The following AEBP2 variants were observed in gnomAD, a reference collection of about 807,000 sequenced individuals.
AEBP2 encodes the protein zinc finger protein AEBP2.
AEBP2 carries 10 observed loss-of-function variants against 50.8 expected under a neutral mutation model. The ratio of observed to expected loss-of-function variants is 0.20; its 90% confidence interval spans 0.12 to 0.33. The LOEUF is 0.33. Ranked by LOEUF, AEBP2 falls within the 10% of genes least tolerant of loss-of-function variation. The probability of loss-of-function intolerance (pLI) is 1.00; values close to 1 mark genes in which losing one functional copy is unlikely to be tolerated. For missense variants in AEBP2, 570 were observed against 688.0 expected (o/e 0.83, Z 1.92); for synonymous variants, 296 against 261.3 (o/e 1.13, Z -1.28).
At chr12:19,498,888 A>G (rs1286477113) in intron 4 of AEBP2, among the ~76,000 whole-genome samples, 3 of 152,154 alleles carry the variant, frequency 2.0e-5, no homozygotes, top group Admixed American at 6.5e-5. Context: ...GAACATGCCT[A>G]TAGTCCTAGC....
chr12:19,469,135 A>T lies in AEBP2; in HGVS notation c.880-4113A>T, dbSNP rs142183061. ...GAGGTGGGGTTTCGCCATGTTGGCCAGGCTGGTCTTGAACTCCTGACCTCA... is the reference window on the plus strand; with the variant it reads ...GAGGTGGGGTTTCGCCATGTTGGCCTGGCTGGTCTTGAACTCCTGACCTCA... On this transcript the variant is annotated intron_variant, in intron 2 of 7. Coordinates refer to ENST00000266508, the MANE Select transcript of AEBP2 (RefSeq NM_153207.5). Among the ~76,000 whole-genome samples the T allele has an allele frequency of 1.9e-3, 285 of 152,272 alleles. 2 individuals are homozygous for T. In the East Asian group the frequency reaches 0.041, roughly 22 times the overall value.
chr12:19,423,201 T>C (rs1213494029), intron 1 of AEBP2, among the ~76,000 whole-genome samples: 1 of 149,464 alleles, frequency 6.7e-6, no homozygotes, highest in African/African-American at 2.5e-5. Context: ...TAGTAGACAC[T>C]CAATATATGG....
intron 3 of AEBP2, among the ~76,000 whole-genome samples, chr12:19,492,903 G>A (rs1948916446): frequency 6.6e-6 from 1 of 152,094 alleles, no homozygotes; most frequent in African/African-American, 2.4e-5. Flanking sequence ...TTGAGCCTGG[G>A]AGGTTGAGGC....
upstream of AEBP2, among the ~76,000 whole-genome samples, chr12:19,438,437 T>G (rs1042466057): frequency 6.6e-6 from 1 of 152,208 alleles, no homozygotes; most frequent in African/African-American, 2.4e-5. Context: ...AATTGAAAAC[T>G]TGGAATAGAA....
chr12:19,438,795 T>C (rs2153365706), upstream of AEBP2, among the ~76,000 whole-genome samples: 1 of 152,346 alleles, frequency 6.6e-6, no homozygotes, highest in African/African-American at 2.4e-5. Flanking sequence ...TTGGAAATTG[T>C]ATTTTCCAAA....
intron 3 of AEBP2, among the ~76,000 whole-genome samples, chr12:19,480,394 T>C (rs1258778500): frequency 6.6e-6 from 1 of 152,218 alleles, no homozygotes; most frequent in East Asian, 1.9e-4. Flanking sequence ...CATGGGCCAC[T>C]GCGCCCTGCC....
intron 2 of AEBP2, among the ~76,000 whole-genome samples, chr12:19,468,556 C>A (rs1157747364): frequency 6.6e-6 from 1 of 152,136 alleles, no homozygotes; most frequent in Non-Finnish European, 1.5e-5. Context: ...TTCATGGATT[C>A]ATTTGTGTTC....
At chr12:19,423,985 A>G (rs375059026) in intron 1 of AEBP2, among the ~76,000 whole-genome samples, 2 of 152,236 alleles carry the variant, frequency 1.3e-5, no homozygotes, top group African/African-American at 2.4e-5. Context: ...AGGAGGCATC[A>G]ATACTGTACG....
chr12:19,432,178 C>G (rs994003792), intron 1 of AEBP2, among the ~76,000 whole-genome samples: 12 of 152,270 alleles, frequency 7.9e-5, no homozygotes, highest in Non-Finnish European at 1.6e-4. Flanking sequence ...TGGAGAGTAA[C>G]AAATGCAGCG....
intron 1 of AEBP2, among the ~76,000 whole-genome samples, chr12:19,450,544 T>C (rs770857826): frequency 7.1e-6 from 1 of 140,266 alleles, no homozygotes; most frequent in Non-Finnish European, 1.5e-5. Context: ...TAGATGAAAA[T>C]GTCAGCCTGG....
intron 2 of AEBP2, among the ~76,000 whole-genome samples, chr12:19,463,196 T>G (rs1043747564): frequency 6.6e-6 from 1 of 152,188 alleles, no homozygotes; most frequent in Non-Finnish European, 1.5e-5. Flanking sequence ...CTTTCCCAGG[T>G]CTTGTCAGAG....
rs1303675464 is a variant in AEBP2 at position 19,440,133 on chromosome 12, C to G, written c.434C>G (p.Ala145Gly). The change falls in exon 1 of 8, where the codon GCC becomes GGC. Residue 145 changes from alanine (A) to glycine (G), a missense_variant. Ala to Gly is a moderately conservative substitution (Grantham distance 60). This residue lies in a region of AEBP2 where 386 missense variants were observed against 336.8 expected (regional missense o/e 1.15). Coordinates refer to ENST00000266508, the MANE Select transcript of AEBP2 (RefSeq NM_153207.5). ...ACCCGCTCGTTGAGCCCCGGCGCCG[C>G]CAGCAGCAGCAGCGGGGATGGGGAC... is the stretch of plus-strand genomic sequence containing the variant. ...DETRSLSPGA[A>G]SSSSGDGDGK... The G allele has an allele frequency of 1.3e-6, 2 of 1,504,488 alleles. No individual in the cohort carries two copies. Among genetic ancestry groups the G allele is most frequent in the Non-Finnish European group, 1.8e-6 (2 of 1,133,202 alleles). The allele number at this position is 1,504,488 out of a possible 1,614,324, so 93.2% of individuals were successfully genotyped here.
At chr12:19,405,514 CAG>C (rs1271142799) in intron 1 of AEBP2, among the ~76,000 whole-genome samples, 1 of 151,562 alleles carries the variant, frequency 6.6e-6, no homozygotes, top group African/African-American at 2.4e-5. Context: ...TTAGTACAGA[CAG>C]GGTTTCACCA....
intron 1 of AEBP2, among the ~76,000 whole-genome samples, chr12:19,430,372 A>C (rs541319725): frequency 1.3e-5 from 2 of 152,244 alleles, no homozygotes; most frequent in South Asian, 2.1e-4. Context: ...TGTTTTGGTT[A>C]CTGTAGTCTT....
At chr12:19,463,744 G>T (rs1233158009) in intron 2 of AEBP2, among the ~76,000 whole-genome samples, 4 of 133,454 alleles carry the variant, frequency 3.0e-5, no homozygotes, top group Non-Finnish European at 6.1e-5. Context: ...CGTGATCTCA[G>T]CTCACCGCAG....
At chr12:19,457,695 A>G in intron 1 of AEBP2, 1 of 1,176,398 alleles carries the variant, frequency 8.5e-7, no homozygotes, top group Non-Finnish European at 1.1e-6. Context: ...TCTGGCGGCA[A>G]ACCCATTGTG....
chr12:19,467,749 C>T (rs1198651921), intron 2 of AEBP2, among the ~76,000 whole-genome samples: 1 of 152,118 alleles, frequency 6.6e-6, no homozygotes, highest in Non-Finnish European at 1.5e-5. Context: ...TATTACTGTT[C>T]TTTCTTAGCT....
At position 19,518,355 on chromosome 12, in the gene AEBP2, C is replaced by G. The variant is rs1949349605; in HGVS notation, c.*238C>G. 2 of 1,230,372 alleles carry G rather than the reference C, an allele frequency of 1.6e-6. No homozygotes were observed. The highest frequency in any genetic ancestry group is 2.0e-6 in the Non-Finnish European group (2 of 985,530). The allele number at this position is 1,230,372 out of a possible 1,614,324, so 76.2% of individuals were successfully genotyped here. On this transcript the variant is annotated 3_prime_UTR_variant, in exon 8 of 8. Coordinates refer to ENST00000266508, the MANE Select transcript of AEBP2 (RefSeq NM_153207.5). ...ATATCCACATTTTCATGGAATGGTA[C>G]TGTGGGAGACTGAGCAAACACTCTT...
chr12:19,415,085 G>A (rs1402994724), intron 1 of AEBP2, among the ~76,000 whole-genome samples: 1 of 150,902 alleles, frequency 6.6e-6, no homozygotes, highest in Non-Finnish European at 1.5e-5. Flanking sequence ...TGAGGCGGGT[G>A]GATCAGTTGA....
Sources: allele counts gnomAD v4.1 joint callset (sites outside exome capture counted in the v4.1 genomes callset), GRCh38; gene constraint gnomAD v4.1.1; regional missense constraint gnomAD v4.1.1; transcripts MANE v1.5; gene names NCBI Gene and HGNC (gene_info 2026-07-23, HGNC 2026-07-21).